NPC1L1: variants seen among roughly 807,000 people sequenced by gnomAD.
NPC1L1 encodes the protein NPC1 like intracellular cholesterol transporter 1.
A neutral mutation model predicts 117.0 loss-of-function variants in NPC1L1; 98 were observed. The ratio of observed to expected loss-of-function variants is 0.84; its 90% CI spans 0.71 to 0.99. The LOEUF is 0.99. Ranked by LOEUF, NPC1L1 falls within the 50% of genes least tolerant of loss-of-function variation. NPC1L1 has a pLI of 0.00. For missense variants in NPC1L1, 1,540 were observed against 1,710.0 expected, an observed-to-expected ratio of 0.90 and a Z score of 1.75; for synonymous variants, 729 against 727.6, an observed-to-expected ratio of 1.00 and a Z score of -0.03.
chr7:44,526,184 C>A (rs568924758), intron 10 of NPC1L1, among the ~76,000 whole-genome samples: 6 of 151,658 alleles, frequency 4.0e-5, no homozygotes, highest in Non-Finnish European at 5.9e-5. Flanking sequence ...ACAACAACAA[C>A]AAAAAACAAG....
chr7:44,530,713 C>T (rs1801670061), intron 10 of NPC1L1, among the ~76,000 whole-genome samples: 2 of 152,178 alleles, frequency 1.3e-5, no homozygotes, highest in African/African-American at 4.8e-5. Context: ...ACTAGAGACC[C>T]TCTTCACCTC....
chr7:44,525,150 A>G (rs1354584069), intron 10 of NPC1L1, among the ~76,000 whole-genome samples: 1 of 152,226 alleles, frequency 6.6e-6, no homozygotes, highest in Non-Finnish European at 1.5e-5. Flanking sequence ...ATTATTTGAA[A>G]AAATTATGGC....
chr7:44,528,317 C>T (rs1801588013), intron 10 of NPC1L1, among the ~76,000 whole-genome samples: 1 of 152,166 alleles, frequency 6.6e-6, no homozygotes, highest in South Asian at 2.1e-4. Flanking sequence ...GTTGGCTAGG[C>T]TGGCCTCAAA....
intron 10 of NPC1L1, among the ~76,000 whole-genome samples, chr7:44,525,916 A>G (rs2117043297): frequency 6.6e-6 from 1 of 152,300 alleles, no homozygotes; most frequent in Non-Finnish European, 1.5e-5. Context: ...CTGTAATCCC[A>G]GCACTTCAGG....
rs767626455 is a variant in NPC1L1 at position 44,517,291 on chromosome 7, G to C, written c.3203C>G (p.Ala1068Gly). Residue 1068 changes from alanine (A) to glycine (G), a missense_variant, in exon 15 of 19, where the codon GCA becomes GGA. Ala to Gly is a moderately conservative substitution (Grantham distance 60, BLOSUM62 0). This residue lies in a region of NPC1L1 where 742 missense variants were observed against 873.6 expected (regional missense o/e 0.85). Coordinates refer to ENST00000381160, the MANE Select transcript of NPC1L1 (RefSeq NM_001101648.2). ...NSQDYTEALR[A>G]ARELAANITA... ...GATGTTGGCTGCCAGCTCTCGAGCTGCCCGCAGAGCTTCTGTGTAATCCTG... is the reference window on the plus strand; with the variant it reads ...GATGTTGGCTGCCAGCTCTCGAGCTCCCCGCAGAGCTTCTGTGTAATCCTG... 4.8e-5 allele frequency: 78 copies of C among 1,614,032 alleles called. No individual in the cohort carries two copies. The highest frequency in any genetic ancestry group is 6.4e-5 in the Non-Finnish European group (75 of 1,180,042).
In NPC1L1 at chr7:44,540,082, G is replaced by A; in HGVS notation, c.315C>T (p.Ile105=). The change falls in exon 2 of 19, where the codon ATC becomes ATT. Residue 105 remains isoleucine, a synonymous_variant. Coordinates refer to ENST00000381160, the MANE Select transcript of NPC1L1 (RefSeq NM_001101648.2). The part of the protein sequence containing the change: ...QLVSLEASLS[I]TKALLTRCPA... ...GGCAGCGGGTGAGGAGGGCCTTGGT[G>A]ATCGACAGACTCGCTTCCAGTGATA... 6.2e-7 allele frequency: 1 copy of A among 1,614,194 alleles called. No individual in the cohort carries two copies. Among genetic ancestry groups the A allele is most frequent in the Non-Finnish European group, 8.5e-7 (1 of 1,180,038 alleles).
Position 44,516,697 on chromosome 7 carries a change from G to T in NPC1L1, c.3519+6C>A, listed in dbSNP as rs763627653. 2 of 1,604,400 alleles carry T rather than the reference G, an allele frequency of 1.2e-6. No individual in the cohort carries two copies. The highest frequency in any genetic ancestry group is 1.7e-6 in the Non-Finnish European group (2 of 1,174,918). ...GGCCCCCTGGTGCCTGTGTCTGCTGGGTTACCGAGACCAGGTTGATGAGGG... is the reference window on the plus strand; with the variant it reads ...GGCCCCCTGGTGCCTGTGTCTGCTGTGTTACCGAGACCAGGTTGATGAGGG... On this transcript the variant is annotated splice_donor_region_variant and intron_variant, in intron 16 of 18. Coordinates refer to ENST00000381160, the MANE Select transcript of NPC1L1 (RefSeq NM_001101648.2).
At chr7:44,515,211 G>A (rs1192735039) in intron 18 of NPC1L1, among the ~76,000 whole-genome samples, 1 of 151,302 alleles carries the variant, frequency 6.6e-6, no homozygotes, top group Admixed American at 6.6e-5. Context: ...AAAATTAGCT[G>A]GGCATGGTGG....
chr7:44,533,676 C>A (rs1293983690), intron 7 of NPC1L1, 63 bp downstream of exon 7: 1 of 1,607,510 alleles, frequency 6.2e-7, no homozygotes, highest in South Asian at 1.1e-5. Context: ...TCTGGGAACT[C>A]CTAGGCCCCG....
chr7:44,532,276 C>A (rs1442051522), intron 8 of NPC1L1, 59 bp from the exon 9 acceptor site: 2 of 1,607,912 alleles, frequency 1.2e-6, no homozygotes, highest in African/African-American at 2.7e-5. Context: ...CCAGGGACCA[C>A]CTTCTTGCCC....
intron 10 of NPC1L1, among the ~76,000 whole-genome samples, chr7:44,523,879 A>G (rs1003009270): frequency 6.6e-6 from 1 of 152,270 alleles, no homozygotes. Flanking sequence ...ATAAATAAAT[A>G]AATAAGTTCA....
At chr7:44,540,629 G>A (rs906573430) in intron 1 of NPC1L1, among the ~76,000 whole-genome samples, 1 of 151,960 alleles carries the variant, frequency 6.6e-6, no homozygotes, top group Non-Finnish European at 1.5e-5. Context: ...CAAGGTCCCG[G>A]GCTCTGCCCA....
At position 44,539,173 on chromosome 7, in the gene NPC1L1, G is replaced by C. The variant is rs2117081891; in HGVS notation, c.1224C>G (p.Asn408Lys). 6.2e-7 allele frequency: 1 copy of C among 1,614,130 alleles called. No individual in the cohort carries two copies. Among genetic ancestry groups the C allele is most frequent in the African/African-American group, 1.3e-5 (1 of 75,058 alleles). Residue 408 changes from asparagine to lysine, a missense_variant, in exon 2 of 19, where the codon AAC becomes AAG. By Grantham distance (94) the Asn-to-Lys change is moderately conservative (BLOSUM62 0). Coordinates refer to ENST00000381160, the MANE Select transcript of NPC1L1 (RefSeq NM_001101648.2). This position sits in a 1 kb window ranked among gnomAD's most constrained non-coding sequence, Gnocchi z 4.4. ...DQHFGPFFRT[N>K]QVILTAPNRS... ...GGTTAGGAGCCGTCAGGATCACCTG[G>C]TTGGTTCGGAAGAAGGGGCCGAAAT... is the stretch of plus-strand genomic sequence containing the variant.
At position 44,534,741 on chromosome 7, in the gene NPC1L1, T is replaced by A; in HGVS notation, c.1984-112A>T. ...GGCAGGCACCCTCAGTGCCTGCAGG[T>A]GCCCGATACTGCCCCCAGTGGTGAG... On this transcript the variant is annotated intron_variant, in intron 5 of 18. Transcript: ENST00000381160. This position sits in a 1 kb window ranked among gnomAD's most constrained non-coding sequence, Gnocchi z 5.2. 1.0e-6 allele frequency: 1 copy of A among 995,018 alleles called. No individual in the cohort carries two copies. The highest frequency in any genetic ancestry group is 1.5e-6 in the Non-Finnish European group (1 of 657,962). The allele number at this position is 995,018 out of a possible 1,614,324, so 61.6% of individuals were successfully genotyped here. A position where few individuals can be genotyped will look rare whatever the true frequency, so the allele number is the denominator to read the frequency against.
Position 44,518,789 on chromosome 7 carries a change from A to C in NPC1L1, c.3137-1432T>G, listed in dbSNP as rs1801266709. On this transcript the variant is annotated intron_variant, in intron 14 of 18. Transcript: ENST00000381160. Reference sequence around the variant, plus strand: ...AGAGAAATGTTCTTGGATACATACAATCTCAGAGCAGGGGAGGTGCCTGGA... The same window carrying C: ...AGAGAAATGTTCTTGGATACATACACTCTCAGAGCAGGGGAGGTGCCTGGA... The C allele has an allele frequency of 4.9e-6, 5 of 1,022,454 alleles. No individual in the cohort carries two copies. In the Admixed American group the frequency reaches 2.1e-4, roughly 42 times the overall value. 63.3% of individuals were successfully genotyped at this position (1,022,454 alleles called of 1,614,324 possible).
rs370386693 is a variant in NPC1L1 at position 44,522,194 on chromosome 7, C to T, written c.2686G>A (p.Val896Met). Residue 896 changes from valine to methionine, a missense_variant, in exon 11 of 19, where the codon GTG becomes ATG. Physicochemically the swap from Val to Met is conservative, Grantham distance 21. Transcript: ENST00000381160. ...GTAACAAAGTACACCGGGGCCCCCA[C>T]CTCGAAGTAGCGGTTCAGAAAGAGG... is the stretch of plus-strand genomic sequence containing the variant. ...YFLFLNRYFE[V>M]GAPVYFVTTL... 33 of 1,613,810 alleles carry T rather than the reference C, an allele frequency of 2.0e-5. No homozygotes were observed. The Admixed American group carries it at 2.8e-4, about 14-fold the overall frequency.
In NPC1L1 at chr7:44,539,338, C is replaced by A; in HGVS notation, c.1059G>T (p.Leu353=). Residue 353 remains leucine, a synonymous_variant, in exon 2 of 19, where the codon CTG becomes CTT. Transcript: ENST00000381160. This position sits in a 1 kb window ranked among gnomAD's most constrained non-coding sequence, Gnocchi z 4.4. The stretch of plus-strand genomic sequence containing the variant: ...GGATGACAGATAGCACCAAGATGGT[C>A]AGAGGCCACGAAGCCACCCACGTGC... ...GWGTWVASWP[L]TILVLSVIPV... The A allele has an allele frequency of 1.2e-6, 2 of 1,613,640 alleles. No individual in the cohort carries two copies. The highest frequency in any genetic ancestry group is 1.7e-6 in the Non-Finnish European group (2 of 1,179,640).
rs1295434516 is a variant in NPC1L1 at position 44,515,842 on chromosome 7, G to A, written c.3757C>T (p.His1253Tyr). The change falls in exon 18 of 19, where the codon CAT becomes TAT. Residue 1253 changes from histidine to tyrosine, a missense_variant. His to Tyr is a moderately conservative substitution (Grantham distance 83, BLOSUM62 2). Around this residue, in one of 3 missense-constraint regions of NPC1L1, gnomAD observed 742 missense variants for 873.6 expected, o/e 0.85. Transcript: ENST00000381160. ...ATGACGGGCAGGAAGACCAAGCCAT[G>A]CAGCAGGCCCAGCAGAGTGATCAGG... ...NLLITLLGLL[H>Y]GLVFLPVILS... The A allele has an allele frequency of 1.2e-6, 2 of 1,614,074 alleles. No individual in the cohort carries two copies. Among genetic ancestry groups the A allele is most frequent in the Non-Finnish European group, 1.7e-6 (2 of 1,180,034 alleles).
chr7:44,538,593 G>A lies in NPC1L1; in HGVS notation c.1580+224C>T, dbSNP rs1277350381. Among the ~76,000 whole-genome samples the A allele has an allele frequency of 2.0e-5, 3 of 152,256 alleles. No homozygotes were observed. The highest frequency in any genetic ancestry group is 7.2e-5 in the African/African-American group (3 of 41,470). ...ACTCGGGGTTGAAGGGCCAGCGATGGCCACGCACAAACCTGCAGCCATGAG... is the reference window on the plus strand; with the variant it reads ...ACTCGGGGTTGAAGGGCCAGCGATGACCACGCACAAACCTGCAGCCATGAG... On this transcript the variant is annotated intron_variant, in intron 2 of 18. Coordinates refer to ENST00000381160, the MANE Select transcript of NPC1L1 (RefSeq NM_001101648.2). This position sits in a 1 kb window ranked among gnomAD's most constrained non-coding sequence, Gnocchi z 5.9.
Sources: allele counts gnomAD v4.1 joint callset (sites outside exome capture counted in the v4.1 genomes callset), GRCh38; gene constraint gnomAD v4.1.1; regional missense constraint gnomAD v4.1.1; non-coding constraint Gnocchi (gnomAD v3.1); transcripts MANE v1.5; gene names NCBI Gene and HGNC (gene_info 2026-07-23, HGNC 2026-07-21).